ZNF469: variants seen among roughly 807,000 people sequenced by gnomAD.
The protein encoded by ZNF469 is zinc finger protein 469.
Under a neutral mutation model 1.0 loss-of-function variants are expected in ZNF469, and 1 was observed. The observed-to-expected ratio is 1.00, with a 90% CI of 0.35 to 4.73. ZNF469 has a LOEUF of 4.73. Among genes scored for constraint, ZNF469 ranks in the 30% most tolerant of loss-of-function variants. The pLI, the probability that ZNF469 is intolerant of heterozygous loss-of-function variation, is 0.16. For missense variants in ZNF469, 6,100 were observed against 5,356.3 expected (o/e 1.14, Z -4.33); for synonymous variants, 2,703 against 2,363.4 (o/e 1.14, Z -4.17).
At position 88,438,080 on chromosome 16, in the gene ZNF469, C is replaced by G; in HGVS notation, c.10610C>G (p.Pro3537Arg). The change falls in exon 3 of 3, where the codon CCG becomes CGG. Residue 3537 changes from proline to arginine, a missense_variant. Coordinates refer to ENST00000565624, the MANE Select transcript of ZNF469 (RefSeq NM_001367624.2). ...LERPVDPVTH[P>R]IRGCELPSNH... ...AGGCCTGTAGACCCCGTGACCCACC[C>G]GATCAGAGGTTGTGAGCTGCCATCC... 2 of 1,550,412 alleles carry G rather than the reference C, an allele frequency of 1.3e-6. No homozygotes were observed. The highest frequency in any genetic ancestry group is 1.2e-5 in the South Asian group (1 of 84,070).
At chr16:88,208,288 G>C in the ZNF469 span, among the ~76,000 whole-genome samples, 1 of 151,540 alleles carries the variant, frequency 6.6e-6, no homozygotes, top group African/African-American at 2.4e-5. Context: ...TCCCTGTTGC[G>C]TGCTGCAATC....
chr16:88,415,849 ACACCCGG>A (rs1336050678), intron 1 of ZNF469, among the ~76,000 whole-genome samples: 1 of 152,200 alleles, frequency 6.6e-6, no homozygotes, highest in Non-Finnish European at 1.5e-5. Context: ...CTGGAAGGCC[ACACCCGG>A]CACACAGTCG....
chr16:88,380,689 C>G (rs957253829), upstream of ZNF469, among the ~76,000 whole-genome samples: 30 of 145,046 alleles, frequency 2.1e-4, no homozygotes, highest in Non-Finnish European at 4.3e-4. Context: ...TGCATTCACA[C>G]ACATGCACTC....
chr16:88,417,317 C>T (rs1302542223), intron 1 of ZNF469, among the ~76,000 whole-genome samples: 1 of 152,246 alleles, frequency 6.6e-6, no homozygotes, highest in Non-Finnish European at 1.5e-5. Flanking sequence ...CAACGATCCT[C>T]ATTCTAGAAA....
the ZNF469 span, among the ~76,000 whole-genome samples, chr16:88,336,473 C>T: frequency 6.7e-6 from 1 of 149,716 alleles, no homozygotes; most frequent in Non-Finnish European, 1.5e-5. Flanking sequence ...ATGCCAATAC[C>T]ACGCACGTTC....
the ZNF469 span, among the ~76,000 whole-genome samples, chr16:88,374,322 C>T: frequency 6.6e-6 from 1 of 152,172 alleles, no homozygotes; most frequent in South Asian, 2.1e-4. Context: ...AGTTTGCTAG[C>T]TGGCAAAGCT....
chr16:88,373,277 T>C, the ZNF469 span, among the ~76,000 whole-genome samples: 910 of 152,340 alleles, frequency 6.0e-3, 10 homozygotes, highest in African/African-American at 0.02. Flanking sequence ...GCCAGGGATG[T>C]CCAGCTCCCT....
intron 1 of ZNF469, among the ~76,000 whole-genome samples, chr16:88,384,037 C>CG (rs560451868): frequency 1.8e-4 from 27 of 152,184 alleles, no homozygotes; most frequent in African/African-American, 5.3e-4. Context: ...CCGGCGGGGG[C>CG]GGGGGGGCAG....
chr16:88,382,993 C>A lies in ZNF469; in HGVS notation c.-453C>A, dbSNP rs1173864747. ...GGCCGCCGGCCGGCGTCCGGCCTTC[C>A]CAGCACCCGGCCCAGGGCTGGAGCT... On this transcript the variant is annotated 5_prime_UTR_variant, in exon 1 of 3. Transcript: ENST00000565624. 6.6e-6 allele frequency among the ~76,000 whole-genome samples: 1 copy of A among 151,822 alleles called. No individual in the cohort carries two copies. Among genetic ancestry groups the A allele is most frequent in the Non-Finnish European group, 1.5e-5 (1 of 67,926 alleles).
chr16:88,139,948 C>G, the ZNF469 span, among the ~76,000 whole-genome samples: 7 of 152,286 alleles, frequency 4.6e-5, no homozygotes, highest in East Asian at 9.6e-4. Flanking sequence ...ACAGCATCAA[C>G]AACAAAAGAT....
chr16:88,186,160 C>T, the ZNF469 span, among the ~76,000 whole-genome samples: 2 of 152,200 alleles, frequency 1.3e-5, no homozygotes, highest in Non-Finnish European at 1.5e-5. Flanking sequence ...ACTGCGGGGG[C>T]GTCCACAAGG....
the ZNF469 span, among the ~76,000 whole-genome samples, chr16:88,229,079 C>T: frequency 6.6e-6 from 1 of 152,162 alleles, no homozygotes; most frequent in Non-Finnish European, 1.5e-5. Flanking sequence ...GCAGACTTTT[C>T]CAAAACTTCA....
the ZNF469 span, among the ~76,000 whole-genome samples, chr16:88,299,794 G>A: frequency 1.3e-5 from 2 of 152,226 alleles, no homozygotes; most frequent in African/African-American, 4.8e-5. Context: ...AGGGGACTCA[G>A]GCCCAGGAGT....
At chr16:88,204,765 G>C in the ZNF469 span, among the ~76,000 whole-genome samples, 1 of 152,136 alleles carries the variant, frequency 6.6e-6, no homozygotes, top group African/African-American at 2.4e-5. Context: ...GAATCTAAAG[G>C]GTCCTGGAGT....
the ZNF469 span, among the ~76,000 whole-genome samples, chr16:88,277,487 C>T: frequency 6.8e-6 from 1 of 147,828 alleles, no homozygotes; most frequent in Non-Finnish European, 1.5e-5. Context: ...TGCTGTGCCA[C>T]GCTGACACTC....
At position 88,438,673 on chromosome 16, in the gene ZNF469, A is replaced by G. The variant is rs536054902; in HGVS notation, c.11203A>G (p.Ser3735Gly). 5.7e-4 allele frequency: 886 copies of G among 1,549,974 alleles called. 4 individuals are homozygous for G. The highest frequency in any genetic ancestry group is 2.1e-3 in the South Asian group (177 of 84,050). ...KAKPGPSSQG[S>G]GSPRPGTKTG... ...CAAACCCGGCCCCAGCTCCCAGGGC[A>G]GTGGAAGCCCTCGCCCCGGCACCAA... Residue 3735 changes from serine (S) to glycine (G), a missense_variant, in exon 3 of 3, where the codon AGT (serine) becomes GGT (glycine). By Grantham distance (56) the Ser-to-Gly change is moderately conservative. Transcript: ENST00000565624.
At chr16:88,365,649 T>A in the ZNF469 span, among the ~76,000 whole-genome samples, 1 of 152,114 alleles carries the variant, frequency 6.6e-6, no homozygotes, top group Non-Finnish European at 1.5e-5. Flanking sequence ...TTGGGCTGGG[T>A]TTTCTGCCAC....
the ZNF469 span, among the ~76,000 whole-genome samples, chr16:88,258,991 C>T: frequency 5.3e-5 from 8 of 152,208 alleles, no homozygotes; most frequent in African/African-American, 1.9e-4. Flanking sequence ...CTCACCAAAA[C>T]TCGTGGGAGT....
At chr16:88,374,004 TAAAA>T in the ZNF469 span, among the ~76,000 whole-genome samples, 1 of 143,436 alleles carries the variant, frequency 7.0e-6, no homozygotes, top group Non-Finnish European at 1.5e-5. Context: ...TGTCTAAAAT[TAAAA>T]AAAAAAAAGA....
Sources: allele counts gnomAD v4.1 joint callset (sites outside exome capture counted in the v4.1 genomes callset), GRCh38; gene constraint gnomAD v4.1.1; transcripts MANE v1.5; gene names NCBI Gene and HGNC (gene_info 2026-07-23, HGNC 2026-07-21).